CACNA1E: variants seen among roughly 807,000 people sequenced by gnomAD.
The protein encoded by CACNA1E is voltage-dependent R-type calcium channel subunit alpha-1E.
A neutral mutation model predicts 259.2 loss-of-function variants in CACNA1E; 40 were observed. The ratio of observed to expected loss-of-function variants is 0.15; its 90% CI spans 0.12 to 0.20. CACNA1E has a LOEUF of 0.20. Among genes scored for constraint, CACNA1E ranks in the 10% least tolerant of loss-of-function variants. CACNA1E has a pLI of 1.00. For synonymous variants in CACNA1E, 1,104 were observed against 1,138.5 expected (o/e 0.97, Z 0.61); for missense variants, 1,874 against 3,040.1 (o/e 0.62, Z 9.02).
rs548535721 is a variant in CACNA1E at position 181,771,195 on chromosome 1, C to T, written c.4882-98C>T. ...GTTGTCTGCTTCAGGGGTAGGTCAT[C>T]GGGAAGAGCCATGCAAGTGGCTTTG... On this transcript the variant is annotated intron_variant, in intron 35 of 47. Coordinates refer to ENST00000367573, the MANE Select transcript of CACNA1E (RefSeq NM_001205293.3). The T allele has an allele frequency of 8.4e-4, 564 of 667,950 alleles. 1 individual carries two copies. The highest frequency in any genetic ancestry group is 1.3e-3 in the Non-Finnish European group (463 of 366,750). The allele number at this position is 667,950 out of a possible 1,614,324, so 41.4% of individuals were successfully genotyped here.
intron 2 of CACNA1E, among the ~76,000 whole-genome samples, chr1:181,431,791 A>G (rs1431661541): frequency 6.6e-6 from 1 of 152,224 alleles, no homozygotes; most frequent in East Asian, 1.9e-4. Context: ...GTCTTCTCCT[A>G]AAACCCTTTC....
chr1:181,752,300 T>C (rs1176388373), intron 27 of CACNA1E, 61 bp downstream of exon 27: 1 of 1,221,218 alleles, frequency 8.2e-7, no homozygotes, highest in Non-Finnish European at 1.2e-6. Flanking sequence ...TCTTTAGCCA[T>C]GGCTGGCCTG....
chr1:181,496,736 G>A (rs1400066767), intron 1 of CACNA1E, among the ~76,000 whole-genome samples: 1 of 152,134 alleles, frequency 6.6e-6, no homozygotes, highest in Non-Finnish European at 1.5e-5. Context: ...TGGAGAATTA[G>A]GATGCACCAC....
chr1:181,346,082 A>C (rs1169764523), intron 1 of CACNA1E, among the ~76,000 whole-genome samples: 2 of 152,192 alleles, frequency 1.3e-5, no homozygotes, highest in Non-Finnish European at 2.9e-5. Context: ...GCACAGCTGA[A>C]GGGGCGCAGC....
chr1:181,493,892 G>A (rs1010967997), intron 1 of CACNA1E, among the ~76,000 whole-genome samples: 2 of 152,108 alleles, frequency 1.3e-5, no homozygotes, highest in Non-Finnish European at 2.9e-5. Flanking sequence ...TGGTATGCAG[G>A]GCTTCTCATG....
At chr1:181,723,723 G>T (rs934003382) in intron 16 of CACNA1E, among the ~76,000 whole-genome samples, 10 of 152,280 alleles carry the variant, frequency 6.6e-5, no homozygotes, top group African/African-American at 2.4e-4. Flanking sequence ...TGCTAGAATG[G>T]CTCACAGAAC....
chr1:181,751,559 C>T (rs894331603), intron 26 of CACNA1E, among the ~76,000 whole-genome samples: 3 of 152,296 alleles, frequency 2.0e-5, no homozygotes, highest in Admixed American at 6.5e-5. Context: ...GTCATGTCTG[C>T]CACCCTGCCT....
At chr1:181,786,160 T>A (rs1399364162) in intron 43 of CACNA1E, among the ~76,000 whole-genome samples, 1 of 152,200 alleles carries the variant, frequency 6.6e-6, no homozygotes, top group Admixed American at 6.5e-5. Context: ...TCCCCGTGGA[T>A]CTAGTGTCCT....
intron 2 of CACNA1E, among the ~76,000 whole-genome samples, chr1:181,451,974 G>A (rs546268514): frequency 5.9e-5 from 9 of 152,340 alleles, no homozygotes; most frequent in African/African-American, 1.9e-4. Context: ...TGGGGTAGGC[G>A]AGATAAATGT....
At chr1:181,778,585 G>A (rs115218460) in intron 38 of CACNA1E, among the ~76,000 whole-genome samples, 2,890 of 152,260 alleles carry the variant, frequency 0.019, 36 homozygotes, top group South Asian at 0.037. Context: ...TTTTCTGGAC[G>A]CTGACAGAGA....
At chr1:181,408,303 G>A (rs936349402) in intron 1 of CACNA1E, among the ~76,000 whole-genome samples, 1 of 152,172 alleles carries the variant, frequency 6.6e-6, no homozygotes, top group African/African-American at 2.4e-5. Flanking sequence ...AAAGGAAGAT[G>A]AATGTCCTCA....
chr1:181,714,193 G>C (rs1422141111), intron 8 of CACNA1E, among the ~76,000 whole-genome samples: 2 of 152,036 alleles, frequency 1.3e-5, no homozygotes, highest in African/African-American at 2.4e-5. Flanking sequence ...TACAAATCTG[G>C]GGTTCCCACA....
intron 7 of CACNA1E, 78 bp downstream of exon 7, chr1:181,651,519 A>G: frequency 1.0e-6 from 1 of 988,476 alleles, no homozygotes; most frequent in East Asian, 2.4e-5. Flanking sequence ...CTCATGGCAG[A>G]TTCATTCATT....
At chr1:181,689,294 C>G (rs920671533) in intron 7 of CACNA1E, among the ~76,000 whole-genome samples, 1 of 152,148 alleles carries the variant, frequency 6.6e-6, no homozygotes, top group African/African-American at 2.4e-5. Context: ...ATCCATGTCC[C>G]TGCAAAGGAC....
At chr1:181,771,004 T>C (rs1261160051) in intron 35 of CACNA1E, among the ~76,000 whole-genome samples, 1 of 152,054 alleles carries the variant, frequency 6.6e-6, no homozygotes, top group African/African-American at 2.4e-5. Flanking sequence ...CCAGATTAGG[T>C]GTAGGAGGAA....
chr1:181,329,334 C>T (rs192387773), intron 1 of CACNA1E, among the ~76,000 whole-genome samples: 2 of 152,248 alleles, frequency 1.3e-5, no homozygotes, highest in African/African-American at 4.8e-5. Context: ...TGTGGAGCTC[C>T]AAGCTCCACA....
chr1:181,759,944 T>C (rs950562163), intron 32 of CACNA1E, among the ~76,000 whole-genome samples: 2 of 152,298 alleles, frequency 1.3e-5, no homozygotes, highest in Admixed American at 1.3e-4. Flanking sequence ...AGGGAACCAA[T>C]TGCAGTTGGC....
chr1:181,375,072 T>C (rs1387581477), intron 1 of CACNA1E, among the ~76,000 whole-genome samples: 1 of 152,326 alleles, frequency 6.6e-6, no homozygotes, highest in South Asian at 2.1e-4. Flanking sequence ...TTCTCAGTTA[T>C]GAAGTGGGCT....
At chr1:181,611,593 G>A (rs1469582007) in intron 6 of CACNA1E, among the ~76,000 whole-genome samples, 6 of 152,128 alleles carry the variant, frequency 3.9e-5, no homozygotes, top group Admixed American at 1.3e-4. Flanking sequence ...GTACACAGAA[G>A]TGAGTTCATG....
Sources: gnomAD v4.1 joint callset for allele counts (sites outside exome capture counted in the v4.1 genomes callset) on GRCh38, gnomAD v4.1.1 for gene constraint, MANE v1.5 for transcripts, NCBI Gene and HGNC (gene_info 2026-07-23, HGNC 2026-07-21) for gene names.